STC2: variants seen among roughly 807,000 people sequenced by gnomAD.
The protein encoded by STC2 is stanniocalcin-2.
A neutral mutation model predicts 22.7 loss-of-function variants in STC2; 7 were observed. The ratio of observed to expected loss-of-function variants is 0.31; its 90% confidence interval spans 0.18 to 0.58. The LOEUF is 0.58. STC2 is among the 20% of genes least tolerant of loss of function. STC2 has a pLI of 0.89. For synonymous variants in STC2, 158 were observed against 163.4 expected, an observed-to-expected ratio of 0.97 and a Z score of 0.25; for missense variants, 336 against 406.2, an observed-to-expected ratio of 0.83 and a Z score of 1.48.
Position 173,328,271 on chromosome 5 carries a change from C to T in STC2, c.-78G>A, listed in dbSNP as rs1013592474. 3.0e-6 allele frequency: 4 copies of T among 1,342,900 alleles called. No individual in the cohort carries two copies. Among genetic ancestry groups the T allele is most frequent in the Non-Finnish European group, 3.9e-6 (4 of 1,031,958 alleles). 83.2% of individuals were successfully genotyped at this position (1,342,900 alleles called of 1,614,324 possible). A position where few individuals can be genotyped will look rare whatever the true frequency, so the allele number is the denominator to read the frequency against. ...CTTCCTCCTCCTCCTCTTCCTCCTT[C>T]GCCGCTTCCCCTCCTCCTCCCACTC... On this transcript the variant is annotated 5_prime_UTR_variant, in exon 1 of 4. Coordinates refer to ENST00000265087, the MANE Select transcript of STC2 (RefSeq NM_003714.3).
At chr5:173,320,478 C>T (rs1762470904) in intron 3 of STC2, among the ~76,000 whole-genome samples, 1 of 152,184 alleles carries the variant, frequency 6.6e-6, no homozygotes, top group Admixed American at 6.5e-5. Flanking sequence ...TGACAAAGTC[C>T]AGCTCGTTCA....
At chr5:173,320,744 G>GTGCAGATTCTGGGGTGA (rs1762474870) in intron 3 of STC2, among the ~76,000 whole-genome samples, 1 of 151,812 alleles carries the variant, frequency 6.6e-6, no homozygotes, top group African/African-American at 2.4e-5. Context: ...AATGGGGGTG[G>GTGCAGATTCTGGGGTGA]TGCAGATTCT....
intron 1 of STC2, among the ~76,000 whole-genome samples, chr5:173,327,409 C>A (rs1268210607): frequency 2.0e-5 from 3 of 152,250 alleles, no homozygotes; most frequent in Non-Finnish European, 4.4e-5. Flanking sequence ...GCGCACGGTT[C>A]GGGTCGTGTC....
intron 2 of STC2, among the ~76,000 whole-genome samples, chr5:173,324,961 G>T (rs181401546): frequency 6.6e-6 from 1 of 152,062 alleles, no homozygotes; most frequent in Non-Finnish European, 1.5e-5. Flanking sequence ...CCCCGTCTTC[G>T]CCTCCCCTCC....
At chr5:173,320,536 G>A (rs1485690921) in intron 3 of STC2, among the ~76,000 whole-genome samples, 1 of 152,186 alleles carries the variant, frequency 6.6e-6, no homozygotes. Flanking sequence ...CTTGGAGGGG[G>A]ATGTGCCTGG....
chr5:173,319,490 A>G (rs1203497151), intron 3 of STC2, among the ~76,000 whole-genome samples: 2 of 152,238 alleles, frequency 1.3e-5, no homozygotes, highest in Non-Finnish European at 2.9e-5. Flanking sequence ...CATAACAAGG[A>G]GCAATCTGAT....
In STC2 at chr5:173,317,734, C is replaced by T; in HGVS notation, c.*113G>A. On this transcript the variant is annotated 3_prime_UTR_variant, in exon 4 of 4. Transcript: ENST00000265087. Reference sequence around the variant, plus strand: ...CACACCTCGATGAAGTCCACAGTCCCCACAGAATCCTGCGTGTGACATCCC... The same window carrying T: ...CACACCTCGATGAAGTCCACAGTCCTCACAGAATCCTGCGTGTGACATCCC... 7.1e-7 allele frequency: 1 copy of T among 1,399,578 alleles called. No individual in the cohort carries two copies. Among genetic ancestry groups the T allele is most frequent in the Non-Finnish European group, 9.5e-7 (1 of 1,047,206 alleles). 86.7% of individuals were successfully genotyped at this position (1,399,578 alleles called of 1,614,324 possible).
intron 2 of STC2, among the ~76,000 whole-genome samples, chr5:173,324,961 G>A (rs181401546): frequency 9.9e-4 from 151 of 152,180 alleles, no homozygotes; most frequent in African/African-American, 1.6e-3. Context: ...CCCCGTCTTC[G>A]CCTCCCCTCC....
At chr5:173,324,346 A>G (rs1435238771) in intron 2 of STC2, 3 of 152,272 alleles carry the variant, frequency 2.0e-5, no homozygotes, top group Admixed American at 6.5e-5. Flanking sequence ...CCCGCACCCC[A>G]CATTACTATA....
chr5:173,323,521 C>A lies in STC2; in HGVS notation c.295-91G>T. The A allele has an allele frequency of 1.6e-6, 2 of 1,261,954 alleles. No homozygotes were observed. Among genetic ancestry groups the A allele is most frequent in the African/African-American group, 1.5e-5 (1 of 67,426 alleles). 78.2% of individuals were successfully genotyped at this position (1,261,954 alleles called of 1,614,324 possible). ...GACATTTCAGCCCTTCTTGGGCTTA[C>A]ACAGGATATTTCTGACATCAGAACC... On this transcript the variant is annotated intron_variant, in intron 2 of 3. Transcript: ENST00000265087. The surrounding 1 kb of genome is among the most constrained non-coding windows in gnomAD (Gnocchi z 5.4).
Position 173,317,578 on chromosome 5 carries a change from G to A in STC2, c.*269C>T. ...GCCGACACCCACTGACTCCACAGAT[G>A]GAAAGAAGACAAAGGTACGAGGATA... On this transcript the variant is annotated 3_prime_UTR_variant, in exon 4 of 4. Transcript: ENST00000265087. 1 of 281,058 alleles carries A rather than the reference G, an allele frequency of 3.6e-6. No homozygotes were observed. Among genetic ancestry groups the A allele is most frequent in the Non-Finnish European group, 6.6e-6 (1 of 151,120 alleles). The allele number at this position is 281,058 out of a possible 1,614,324, so 17.4% of individuals were successfully genotyped here. A position where few individuals can be genotyped will look rare whatever the true frequency, so the allele number is the denominator to read the frequency against.
rs570098824 is a variant in STC2, at chr5:173,318,179, C to T, written c.577G>A (p.Val193Met). The T allele has an allele frequency of 3.4e-4, 539 of 1,573,872 alleles. 7 individuals are homozygous for T. The South Asian group carries it at 5.7e-3, about 17-fold the overall frequency. The change falls in exon 4 of 4, where the codon GTG becomes ATG. Residue 193 changes from valine to methionine, a missense_variant. Val to Met is a conservative substitution (Grantham distance 21). Around this residue, in one of 3 missense-constraint regions of STC2, gnomAD observed 215 missense variants for 231.5 expected, o/e 0.93. Coordinates refer to ENST00000265087, the MANE Select transcript of STC2 (RefSeq NM_003714.3). ...EEVKEAITHSVQVQCEQNWGS... is the reference protein window; with the variant it reads ...EEVKEAITHSMQVQCEQNWGS... Reference sequence around the variant, plus strand: ...CAGTTCTGCTCACACTGAACCTGCACGCTGTGGGTGATGGCCTCCTTCACC... The same window carrying T: ...CAGTTCTGCTCACACTGAACCTGCATGCTGTGGGTGATGGCCTCCTTCACC...
intron 3 of STC2, among the ~76,000 whole-genome samples, chr5:173,322,729 T>C (rs925016511): frequency 6.6e-6 from 1 of 152,202 alleles, no homozygotes; most frequent in African/African-American, 2.4e-5. Context: ...GAGCTCTGCC[T>C]TAGTGAGTCT....
Position 173,325,370 on chromosome 5 carries a change from A to C in STC2, c.294+498T>G, listed in dbSNP as rs1762534134. Among the ~76,000 whole-genome samples, 1 of 152,178 alleles carries C rather than the reference A, an allele frequency of 6.6e-6. No homozygotes were observed. Among genetic ancestry groups the C allele is most frequent in the Non-Finnish European group, 1.5e-5 (1 of 68,044 alleles). ...AGGAAAGTGTGGAACTGAAGGACTC[A>C]ATCAGGGTTTCGACCGGTCAGCTTG... On this transcript the variant is annotated intron_variant, in intron 2 of 3. Transcript: ENST00000265087. The surrounding 1 kb of genome is among the most constrained non-coding windows in gnomAD (Gnocchi z 4.7).
At chr5:173,326,904 A>G (rs770842782) in intron 1 of STC2, 13 of 152,186 alleles carry the variant, frequency 8.5e-5, no homozygotes, top group Non-Finnish European at 1.6e-4. Context: ...TCAGAAAAGT[A>G]TATTTTGGAA....
Position 173,328,399 on chromosome 5 carries a change from T to G in STC2, c.-206A>C. The G allele has an allele frequency of 3.4e-5, 14 of 416,194 alleles. No individual in the cohort carries two copies. The highest frequency in any genetic ancestry group is 7.5e-5 in the East Asian group (2 of 26,624). The allele number at this position is 416,194 out of a possible 1,614,324, so 25.8% of individuals were successfully genotyped here. On this transcript the variant is annotated 5_prime_UTR_variant, in exon 1 of 4. Transcript: ENST00000265087. ...TCCGGAGAGCATGTGACCAGGCCGT[T>G]AGCAGCGCCGCGAGTGCCCGGCAAT...
Position 173,317,811 on chromosome 5 carries a change from G to C in STC2, c.*36C>G. On this transcript the variant is annotated 3_prime_UTR_variant, in exon 4 of 4. Transcript: ENST00000265087. ...ATGTCCATAGATAAGAAAATGGACG[G>C]CGTGGAGGAAAGATTTCGTGGCCAG... The C allele has an allele frequency of 6.6e-7, 1 of 1,522,188 alleles. No homozygotes were observed. The highest frequency in any genetic ancestry group is 8.8e-7 in the Non-Finnish European group (1 of 1,132,226). 94.3% of individuals were successfully genotyped at this position (1,522,188 alleles called of 1,614,324 possible).
intron 3 of STC2, among the ~76,000 whole-genome samples, chr5:173,319,724 T>C (rs1421554620): frequency 6.6e-6 from 1 of 152,212 alleles, no homozygotes; most frequent in Non-Finnish European, 1.5e-5. Flanking sequence ...AGGTGGCTCT[T>C]GGAAGCTTCT....
Position 173,315,713 on chromosome 5 carries a change from G to GGCAGGAGACAGCC in STC2, c.*2133_*2134insGGCTGTCTCCTGC, listed in dbSNP as rs1762412634. ...GTAAAACAGTCAACGTGCCTGCCGC[G>GGCAGGAGACAGCC]GTGGCTCACTGCAGGAGACAGCCAC... On this transcript the variant is annotated 3_prime_UTR_variant, in exon 4 of 4. Transcript: ENST00000265087. The GGCAGGAGACAGCC allele has an allele frequency of 6.6e-6, 1 of 152,218 alleles. No homozygotes were observed. Among genetic ancestry groups the GGCAGGAGACAGCC allele is most frequent in the Non-Finnish European group, 1.5e-5 (1 of 68,052 alleles). The allele number at this position is 152,218 out of a possible 1,614,324, so 9.4% of individuals were successfully genotyped here.
Sources: gnomAD v4.1 joint callset for allele counts (sites outside exome capture counted in the v4.1 genomes callset) on GRCh38, gnomAD v4.1.1 for gene constraint, gnomAD v4.1.1 regional missense constraint, Gnocchi (gnomAD v3.1) non-coding constraint, MANE v1.5 for transcripts, NCBI Gene and HGNC (gene_info 2026-07-23, HGNC 2026-07-21) for gene names.